CARNMT1: variants seen among roughly 807,000 people sequenced by gnomAD.
CARNMT1 encodes protein-L-histidine N-pros-methyltransferase CARNMT1.
In CARNMT1, 28 loss-of-function variants were observed where a neutral mutation model predicts 49.6. That is an observed-to-expected ratio of 0.56 (90% CI 0.42 to 0.77). The LOEUF (loss-of-function observed/expected upper bound fraction) is 0.77. CARNMT1 is among the 30% of genes least tolerant of loss of function. CARNMT1 has a pLI of 0.00. For missense variants in CARNMT1, 421 were observed against 512.6 expected (o/e 0.82, Z 1.73); for synonymous variants, 178 against 175.0 (o/e 1.02, Z -0.13).
At chr9:75,022,889 C>T (rs978157957) in intron 1 of CARNMT1, among the ~76,000 whole-genome samples, 1 of 151,972 alleles carries the variant, frequency 6.6e-6, no homozygotes, top group African/African-American at 2.4e-5. Flanking sequence ...AATCCCAGCA[C>T]TTTGAGAGGC....
intron 3 of CARNMT1, among the ~76,000 whole-genome samples, chr9:75,002,745 T>C (rs1282788298): frequency 6.6e-6 from 1 of 152,140 alleles, no homozygotes; most frequent in Non-Finnish European, 1.5e-5. Flanking sequence ...GTATTGAATT[T>C]CTTTTTTTTA....
At chr9:75,006,350 CCTAATGCCCCTTTTCCAGG>C (rs151151989) in intron 3 of CARNMT1, among the ~76,000 whole-genome samples, 5,047 of 152,238 alleles carry the variant, frequency 0.033, 259 homozygotes, top group East Asian at 0.13. Flanking sequence ...CCACAGCTGG[CCTAATGCCCCTTTTCCAGG>C]CTCTAGGGTT....
At chr9:75,004,224 T>A (rs1422066108) in intron 3 of CARNMT1, among the ~76,000 whole-genome samples, 1 of 152,238 alleles carries the variant, frequency 6.6e-6, no homozygotes, top group Non-Finnish European at 1.5e-5. Context: ...TCTACATAAT[T>A]TTTTGCTAAT....
intron 3 of CARNMT1, among the ~76,000 whole-genome samples, chr9:75,000,335 T>C (rs576178667): frequency 1.8e-4 from 28 of 152,334 alleles, no homozygotes; most frequent in African/African-American, 6.7e-4. Context: ...TAGAGTTTAA[T>C]GTGTCAGGTA....
At chr9:74,992,797 T>A (rs1048601434) in intron 6 of CARNMT1, among the ~76,000 whole-genome samples, 1 of 152,220 alleles carries the variant, frequency 6.6e-6, no homozygotes, top group Non-Finnish European at 1.5e-5. Flanking sequence ...ACCTCCAATG[T>A]CATTTGTTCC....
chr9:74,998,640 A>G lies in CARNMT1; in HGVS notation c.868T>C (p.Ser290Pro). 6.3e-7 allele frequency: 1 copy of G among 1,598,622 alleles called. No homozygotes were observed. The highest frequency in any genetic ancestry group is 8.5e-7 in the Non-Finnish European group (1 of 1,173,826). ...PHSLPPGSNF[S>P]MTAGDFQEIY... ...TCTTGAAAATCTCCTGCTGTCATAG[A>G]AAAGTTAGAACCAGGAGGAAGACTG... The change falls in exon 5 of 8, where the codon TCT becomes CCT. Residue 290 changes from serine (S) to proline (P), a missense_variant. Coordinates refer to ENST00000376834, the MANE Select transcript of CARNMT1 (RefSeq NM_152420.3).
intron 1 of CARNMT1, among the ~76,000 whole-genome samples, chr9:75,020,105 G>C (rs1003601329): frequency 1.1e-4 from 16 of 152,156 alleles, no homozygotes; most frequent in South Asian, 4.1e-4. Context: ...GAAAGAGACA[G>C]GATAATGTGT....
rs1337092307 is a variant in CARNMT1 at position 74,982,152 on chromosome 9, A to G, written c.*1615T>C. ...ACTGTACACGGAAAAGGTCCCCCCA[A>G]CTAGTAAGATGCCAAATAGGGTAGT... On this transcript the variant is annotated 3_prime_UTR_variant, in exon 8 of 8. Coordinates refer to ENST00000376834, the MANE Select transcript of CARNMT1 (RefSeq NM_152420.3). The G allele has an allele frequency of 6.6e-6, 1 of 152,180 alleles. No individual in the cohort carries two copies. Among genetic ancestry groups the G allele is most frequent in the Non-Finnish European group, 1.5e-5 (1 of 68,020 alleles). The allele number at this position is 152,180 out of a possible 1,614,324, so 9.4% of individuals were successfully genotyped here.
intron 6 of CARNMT1, among the ~76,000 whole-genome samples, chr9:74,988,145 G>C (rs1488664530): frequency 6.6e-6 from 1 of 151,594 alleles, no homozygotes; most frequent in African/African-American, 2.4e-5. Flanking sequence ...TAGAATTCCT[G>C]GGCTCAAGCA....
intron 6 of CARNMT1, among the ~76,000 whole-genome samples, chr9:74,995,815 AATATT>A (rs1833171537): frequency 6.6e-6 from 1 of 152,168 alleles, no homozygotes. Context: ...TATCTACCTG[AATATT>A]ATCATTATAC....
At chr9:75,020,741 C>A (rs72732932) in intron 1 of CARNMT1, among the ~76,000 whole-genome samples, 5,882 of 152,206 alleles carry the variant, frequency 0.039, 161 homozygotes, top group Middle Eastern at 0.071. Flanking sequence ...CCTGGCTGGT[C>A]GCGTTTTTAC....
At chr9:75,017,154 C>A (rs2118857637) in intron 2 of CARNMT1, 99 bp downstream of exon 2, 10 of 863,080 alleles carry the variant, frequency 1.2e-5, no homozygotes, top group Non-Finnish European at 1.1e-5. Flanking sequence ...GAGCAAATAG[C>A]CTGTGCCAGA....
chr9:75,027,957 C>A, intron 1 of CARNMT1, 55 bp downstream of exon 1: 1 of 1,495,224 alleles, frequency 6.7e-7, no homozygotes, highest in Non-Finnish European at 8.9e-7. Context: ...GCGGGTCCGC[C>A]GCCACCAGTG....
At chr9:74,988,698 G>A (rs1162430482) in intron 6 of CARNMT1, among the ~76,000 whole-genome samples, 3 of 152,154 alleles carry the variant, frequency 2.0e-5, no homozygotes, top group African/African-American at 7.2e-5. Flanking sequence ...AAATAGTTGA[G>A]GCTTTGTGTC....
At chr9:74,995,662 C>A (rs570969341) in intron 6 of CARNMT1, among the ~76,000 whole-genome samples, 5 of 152,196 alleles carry the variant, frequency 3.3e-5, no homozygotes, top group South Asian at 4.1e-4. Flanking sequence ...CAAAACTAGA[C>A]CCACCCGGAA....
intron 6 of CARNMT1, chr9:74,991,671 T>C (rs1167729772): frequency 6.6e-6 from 1 of 152,164 alleles, no homozygotes; most frequent in Non-Finnish European, 1.5e-5. Context: ...AATGGGCATA[T>C]AAGGTAGGCA....
At chr9:74,991,545 G>A (rs996344849) in intron 6 of CARNMT1, 1 of 152,036 alleles carries the variant, frequency 6.6e-6, no homozygotes, top group Non-Finnish European at 1.5e-5. Flanking sequence ...CTTCTTTTCT[G>A]CCCTACATTT....
chr9:75,013,895 C>T (rs1417151291), intron 3 of CARNMT1, among the ~76,000 whole-genome samples: 1 of 149,500 alleles, frequency 6.7e-6, no homozygotes, highest in Admixed American at 6.7e-5. Flanking sequence ...TACTTGAGCC[C>T]AGGAGTTTAA....
chr9:74,991,993 C>T (rs969779451), intron 6 of CARNMT1, among the ~76,000 whole-genome samples: 8 of 152,024 alleles, frequency 5.3e-5, no homozygotes, highest in Non-Finnish European at 7.4e-5. Flanking sequence ...AATTCTAGGC[C>T]AGGCACAGTG....
Sources: gnomAD v4.1 joint callset for allele counts (sites outside exome capture counted in the v4.1 genomes callset) on GRCh38, gnomAD v4.1.1 for gene constraint, MANE v1.5 for transcripts, NCBI Gene and HGNC (gene_info 2026-07-23, HGNC 2026-07-21) for gene names.